Variants in SOX6 observed in about 807,000 individuals in gnomAD.
SOX6 encodes SRY-box transcription factor 6.
A neutral mutation model predicts 97.8 loss-of-function variants in SOX6; 11 were observed. That is an observed-to-expected ratio of 0.11 (90% CI 0.07 to 0.19). SOX6 has a LOEUF of 0.19. Ranked by LOEUF, SOX6 falls within the 10% of genes least tolerant of loss-of-function variation. The probability of loss-of-function intolerance (pLI) is 1.00; values close to 1 mark genes in which losing one functional copy is unlikely to be tolerated. For synonymous variants in SOX6, 360 were observed against 371.4 expected (o/e 0.97, Z 0.35); for missense variants, 810 against 1,039.5 (o/e 0.78, Z 3.04).
At chr11:16,718,978 T>TAAAAA (rs558276025) in intron 2 of SOX6, among the ~76,000 whole-genome samples, 1 of 86,830 alleles carries the variant, frequency 1.2e-5, no homozygotes, top group African/African-American at 3.7e-5. Flanking sequence ...TTTTTAAAAT[T>TAAAAA]AAAAAAAAAA....
At chr11:16,600,742 C>G (rs1848258799) in intron 4 of SOX6, among the ~76,000 whole-genome samples, 1 of 152,080 alleles carries the variant, frequency 6.6e-6, no homozygotes. Flanking sequence ...CCCTTTTCCA[C>G]AGAACAAGGA....
chr11:16,704,385 A>G (rs775017983), intron 3 of SOX6, among the ~76,000 whole-genome samples: 91 of 152,334 alleles, frequency 6.0e-4, no homozygotes, highest in Non-Finnish European at 1.1e-3. Flanking sequence ...TAACAGAGTG[A>G]CAACAAGCTA....
intron 7 of SOX6, among the ~76,000 whole-genome samples, chr11:16,100,515 A>G (rs1366609981): frequency 6.6e-6 from 1 of 151,784 alleles, no homozygotes; most frequent in Non-Finnish European, 1.5e-5. Context: ...AATTTGCTTG[A>G]CATTAGTTTC....
chr11:16,030,028 G>A (rs1855323425), intron 12 of SOX6, among the ~76,000 whole-genome samples: 1 of 152,144 alleles, frequency 6.6e-6, no homozygotes, highest in African/African-American at 2.4e-5. Flanking sequence ...ATGACCAAAG[G>A]AGTAGAAGAA....
intron 4 of SOX6, among the ~76,000 whole-genome samples, chr11:16,198,367 T>C (rs1644130337): frequency 6.6e-6 from 1 of 151,880 alleles, no homozygotes; most frequent in South Asian, 2.1e-4. Flanking sequence ...TTTTTAAAGA[T>C]TTAAAATCAC....
At position 16,310,917 on chromosome 11, in the gene SOX6, TA is replaced by T. The variant is rs202084463; in HGVS notation, c.445+7528del. 1.8e-3 allele frequency among the ~76,000 whole-genome samples: 274 copies of T among 148,952 alleles called. 1 individual carries two copies. The highest frequency in any genetic ancestry group is 6.0e-3 in the East Asian group (31 of 5,126). ...GTTCTCACAGGGTGTGAATGTTAAT[TA>T]AAAAAAAAACATGGGCTTTTAATAG... On this transcript the variant is annotated intron_variant, in intron 3 of 15. Transcript: ENST00000683767.
intron 4 of SOX6, among the ~76,000 whole-genome samples, chr11:16,212,217 T>TA (rs1391748103): frequency 1.1e-4 from 16 of 152,228 alleles, no homozygotes; most frequent in African/African-American, 3.6e-4. Flanking sequence ...TTAGCTCTAA[T>TA]ACCAGAAGAT....
intron 4 of SOX6, among the ~76,000 whole-genome samples, chr11:16,597,980 G>A (rs527989383): frequency 6.6e-6 from 1 of 152,102 alleles, no homozygotes; most frequent in East Asian, 1.9e-4. Context: ...ACATAAGAGG[G>A]AAAGAAGCAA....
intron 12 of SOX6, among the ~76,000 whole-genome samples, chr11:16,021,902 C>T (rs1238173859): frequency 1.3e-5 from 2 of 152,054 alleles, no homozygotes; most frequent in Non-Finnish European, 2.9e-5. Flanking sequence ...ACCAATACTA[C>T]AGAGAAAATA....
At chr11:16,586,187 T>C (rs985091327) in intron 4 of SOX6, among the ~76,000 whole-genome samples, 1 of 152,106 alleles carries the variant, frequency 6.6e-6, no homozygotes, top group Non-Finnish European at 1.5e-5. Flanking sequence ...TCTACTGCAA[T>C]AAATCACTTT....
At chr11:16,484,037 G>T (rs67445592) in intron 4 of SOX6, 127,641 of 795,702 alleles carry the variant, frequency 0.16, 10,724 homozygotes, top group Non-Finnish European at 0.17. Flanking sequence ...AGGGCCTGTC[G>T]GGAGAGCCGA....
chr11:16,252,994 A>T, intron 3 of SOX6, among the ~76,000 whole-genome samples: 1 of 152,134 alleles, frequency 6.6e-6, no homozygotes, highest in East Asian at 1.9e-4. Flanking sequence ...TACCCAGTAC[A>T]TCATGTCTGC....
intron 9 of SOX6, among the ~76,000 whole-genome samples, chr11:16,082,644 A>C (rs1224267848): frequency 6.6e-6 from 1 of 152,184 alleles, no homozygotes; most frequent in Non-Finnish European, 1.5e-5. Flanking sequence ...ACAGGGTACC[A>C]TTGTACTAAA....
chr11:16,703,095 A>G (rs1848106817), intron 3 of SOX6, among the ~76,000 whole-genome samples: 1 of 151,860 alleles, frequency 6.6e-6, no homozygotes. Flanking sequence ...AATGTATCTT[A>G]TATGTTTGTA....
At chr11:16,257,729 T>C (rs1180541292) in intron 3 of SOX6, among the ~76,000 whole-genome samples, 1 of 151,874 alleles carries the variant, frequency 6.6e-6, no homozygotes, top group Non-Finnish European at 1.5e-5. Flanking sequence ...AATTAAAAGC[T>C]ACTGCTCTGT....
intron 3 of SOX6, among the ~76,000 whole-genome samples, chr11:16,674,046 C>T (rs1012584048): frequency 1.3e-5 from 2 of 151,842 alleles, no homozygotes; most frequent in Non-Finnish European, 2.9e-5. Context: ...AAAAATTAGC[C>T]GGGCCTGGTG....
chr11:16,349,432 C>A (rs972165265), intron 1 of SOX6, among the ~76,000 whole-genome samples: 2 of 2,500 alleles, frequency 8.0e-4, no homozygotes, highest in Non-Finnish European at 0.019. Flanking sequence ...GCCTGGCCAA[C>A]AAGGTGAAAC....
intron 2 of SOX6, among the ~76,000 whole-genome samples, chr11:16,730,241 C>A (rs1161861160): frequency 2.0e-5 from 3 of 151,978 alleles, no homozygotes; most frequent in Non-Finnish European, 2.9e-5. Context: ...CTGGATCAAG[C>A]CGACCTAATG....
chr11:16,248,362 T>C (rs979582547), intron 3 of SOX6, among the ~76,000 whole-genome samples: 7 of 152,148 alleles, frequency 4.6e-5, no homozygotes, highest in African/African-American at 1.4e-4. Flanking sequence ...GGACTCTGTG[T>C]AGGGGTTCCA....
Sources: gnomAD v4.1 joint callset for allele counts (sites outside exome capture counted in the v4.1 genomes callset) on GRCh38, gnomAD v4.1.1 for gene constraint, MANE v1.5 for transcripts, NCBI Gene and HGNC (gene_info 2026-07-23, HGNC 2026-07-21) for gene names.